The following HIVEP3 variants were observed in gnomAD, a reference collection of about 807,000 sequenced individuals.
HIVEP3 encodes the protein HIVEP zinc finger 3, also known as transcription factor HIVEP3.
Under a neutral mutation model 152.8 loss-of-function variants are expected in HIVEP3, and 49 were observed. That is an observed-to-expected ratio of 0.32 (90% CI 0.26 to 0.41). The LOEUF (loss-of-function observed/expected upper bound fraction) is 0.41, where lower values mean the gene tolerates loss of function less well. Among genes scored for constraint, HIVEP3 ranks in the 10% least tolerant of loss-of-function variants. The pLI is 1.00. For missense variants in HIVEP3, 2,790 were observed against 3,103.3 expected (o/e 0.90, Z 2.40); for synonymous variants, 1,269 against 1,289.0 (o/e 0.98, Z 0.33).
intron 1 of HIVEP3, among the ~76,000 whole-genome samples, chr1:41,893,854 T>C (rs1468998031): frequency 6.8e-6 from 1 of 147,352 alleles, no homozygotes; most frequent in Non-Finnish European, 1.5e-5. Flanking sequence ...TATATGAATA[T>C]GAAAAAATTA....
intron 1 of HIVEP3, among the ~76,000 whole-genome samples, chr1:41,851,605 G>A (rs1404542069): frequency 6.6e-6 from 1 of 152,178 alleles, no homozygotes; most frequent in African/African-American, 2.4e-5. Context: ...CCAGATGAGA[G>A]CACCTTCTTT....
intron 1 of HIVEP3, among the ~76,000 whole-genome samples, chr1:41,774,181 C>G (rs1648547042): frequency 6.6e-6 from 1 of 152,234 alleles, no homozygotes; most frequent in Non-Finnish European, 1.5e-5. Flanking sequence ...AACAAGAGAA[C>G]AGCGTGTCTC....
intron 1 of HIVEP3, among the ~76,000 whole-genome samples, chr1:41,958,603 A>G (rs1645152862): frequency 6.6e-6 from 1 of 152,176 alleles, no homozygotes; most frequent in African/African-American, 2.4e-5. Context: ...TATGTCACTC[A>G]CCACTGTTGC....
rs566286214 is a variant in HIVEP3 at position 41,589,154 on chromosome 1, G to A, written c.-521-3836C>T. Among the ~76,000 whole-genome samples, 11 of 152,356 alleles carry A rather than the reference G, an allele frequency of 7.2e-5. No individual in the cohort carries two copies. In the South Asian group the frequency reaches 2.3e-3, roughly 32 times the overall value. ...AGAGCCACTTTTCCAGGGAATTGGTGAGAGCACCTGTAAAAGTCACCAGAG... is the reference window on the plus strand; with the variant it reads ...AGAGCCACTTTTCCAGGGAATTGGTAAGAGCACCTGTAAAAGTCACCAGAG... On this transcript the variant is annotated intron_variant, in intron 3 of 8. Coordinates refer to ENST00000372583, the MANE Select transcript of HIVEP3 (RefSeq NM_024503.5).
intron 1 of HIVEP3, among the ~76,000 whole-genome samples, chr1:41,856,901 T>A (rs1480712543): frequency 1.3e-5 from 2 of 152,110 alleles, no homozygotes; most frequent in African/African-American, 4.8e-5. Flanking sequence ...TTATTTCAGG[T>A]TCAACTGAGT....
At chr1:41,529,601 T>C (rs755796168) in intron 5 of HIVEP3, among the ~76,000 whole-genome samples, 1 of 70,950 alleles carries the variant, frequency 1.4e-5, no homozygotes, top group Non-Finnish European at 2.7e-5. Context: ...TACACATACA[T>C]ACACTCACAT....
chr1:41,582,969 C>G lies in HIVEP3; in HGVS notation c.1829G>C (p.Ser610Thr), dbSNP rs565023525. 1 of 1,614,052 alleles carries G rather than the reference C, an allele frequency of 6.2e-7. No homozygotes were observed. The highest frequency in any genetic ancestry group is 1.1e-5 in the South Asian group (1 of 91,072). The change falls in exon 4 of 9, where the codon AGC becomes ACC. Residue 610 changes from serine (S) to threonine (T), a missense_variant. Around this residue, in one of 9 missense-constraint regions of HIVEP3, gnomAD observed 339 missense variants for 327.0 expected, o/e 1.04. Coordinates refer to ENST00000372583, the MANE Select transcript of HIVEP3 (RefSeq NM_024503.5). This position sits in a 1 kb window ranked among gnomAD's most constrained non-coding sequence, Gnocchi z 4.7. Reference sequence around the variant, plus strand: ...CGAGGGCTTGGAGGCTGTGTCTTTGCTGCTTGGGCCAGGCTCCTCAGAACT... The same window carrying G: ...CGAGGGCTTGGAGGCTGTGTCTTTGGTGCTTGGGCCAGGCTCCTCAGAACT... Reference protein sequence around the residue: ...EYSSEEPGPSSKDTASKPSDE... With the variant: ...EYSSEEPGPSTKDTASKPSDE...
intron 1 of HIVEP3, among the ~76,000 whole-genome samples, chr1:41,772,880 G>T (rs553848124): frequency 6.6e-6 from 1 of 152,216 alleles, no homozygotes; most frequent in African/African-American, 2.4e-5. Flanking sequence ...CACTCCAACC[G>T]GGGTGACAGA....
intron 5 of HIVEP3, among the ~76,000 whole-genome samples, chr1:41,557,121 C>T (rs7354824): frequency 0.99 from 150,860 of 152,330 alleles, 74,716 homozygotes; most frequent in East Asian, 1. Flanking sequence ...GTCCCTTGCT[C>T]TTCATCTGCT....
At chr1:41,721,823 C>G (rs1646677604) in intron 1 of HIVEP3, among the ~76,000 whole-genome samples, 1 of 152,180 alleles carries the variant, frequency 6.6e-6, no homozygotes, top group Non-Finnish European at 1.5e-5. Context: ...AGAATCTGTG[C>G]TCCTAACCCC....
intron 5 of HIVEP3, among the ~76,000 whole-genome samples, chr1:41,545,378 T>TACCACCACCACCACCACC (rs60196842): frequency 1.4e-5 from 1 of 72,794 alleles, no homozygotes; most frequent in African/African-American, 6.7e-5. Flanking sequence ...CCACCACCAC[T>TACCACCACCACCACCACC]ACCACCACCA....
intron 6 of HIVEP3, among the ~76,000 whole-genome samples, chr1:41,522,597 G>A (rs1264262348): frequency 6.6e-6 from 1 of 152,160 alleles, no homozygotes; most frequent in Non-Finnish European, 1.5e-5. Context: ...TTCAGATTAC[G>A]CCCTCTGGAC....
intron 1 of HIVEP3, among the ~76,000 whole-genome samples, chr1:41,860,109 A>C (rs1313599483): frequency 6.6e-6 from 1 of 152,166 alleles, no homozygotes; most frequent in Non-Finnish European, 1.5e-5. Context: ...GATTCTGAAG[A>C]CCTCCACCAG....
intron 1 of HIVEP3, among the ~76,000 whole-genome samples, chr1:41,800,467 C>T (rs1650238734): frequency 1.3e-5 from 2 of 152,246 alleles, no homozygotes; most frequent in African/African-American, 2.4e-5. Context: ...GCACCAGGCC[C>T]CTCGATGTGA....
chr1:41,695,925 T>C (rs1249943328), intron 2 of HIVEP3, among the ~76,000 whole-genome samples: 1 of 152,202 alleles, frequency 6.6e-6, no homozygotes, highest in Non-Finnish European at 1.5e-5. Context: ...GGAAGAGCCC[T>C]GGGCTTGGAG....
chr1:41,939,490 T>C (rs368543433), intron 1 of HIVEP3, among the ~76,000 whole-genome samples: 9 of 152,334 alleles, frequency 5.9e-5, no homozygotes, highest in Middle Eastern at 6.8e-3. Flanking sequence ...CTTTTTATTT[T>C]TCCTTCTCCC....
At chr1:41,786,760 T>C (rs1158333815) in intron 1 of HIVEP3, among the ~76,000 whole-genome samples, 3 of 151,706 alleles carry the variant, frequency 2.0e-5, no homozygotes, top group Admixed American at 1.3e-4. Flanking sequence ...CTTTCTTTTT[T>C]TTTTTTTTTG....
At chr1:42,019,209 G>T (rs1205828641) in intron 1 of HIVEP3, among the ~76,000 whole-genome samples, 1 of 151,930 alleles carries the variant, frequency 6.6e-6, no homozygotes, top group East Asian at 1.9e-4. Flanking sequence ...CTTAATTATT[G>T]TGATGGCTTA....
intron 1 of HIVEP3, among the ~76,000 whole-genome samples, chr1:41,888,449 AGAG>A (rs1238036766): frequency 7.9e-5 from 12 of 151,636 alleles, no homozygotes; most frequent in Non-Finnish European, 2.9e-5. Context: ...ATGTGAGGAG[AGAG>A]GAGAAGGAGG....
Sources: allele counts gnomAD v4.1 joint callset (sites outside exome capture counted in the v4.1 genomes callset), GRCh38; gene constraint gnomAD v4.1.1; regional missense constraint gnomAD v4.1.1; non-coding constraint Gnocchi (gnomAD v3.1); transcripts MANE v1.5; gene names NCBI Gene and HGNC (gene_info 2026-07-23, HGNC 2026-07-21).